The following WDFY1 variants were observed in gnomAD, a reference collection of about 807,000 sequenced individuals.
WDFY1 encodes WD repeat and FYVE domain containing 1.
In WDFY1, 32 loss-of-function variants were observed where a neutral mutation model predicts 56.4. The ratio of observed to expected loss-of-function variants is 0.57; its 90% confidence interval spans 0.43 to 0.76. WDFY1 has a LOEUF of 0.76. Ranked by LOEUF, WDFY1 falls within the 30% of genes least tolerant of loss-of-function variation. The pLI is 0.00. For missense variants in WDFY1, 480 were observed against 545.7 expected, an observed-to-expected ratio of 0.88 and a Z score of 1.20; for synonymous variants, 192 against 197.3, an observed-to-expected ratio of 0.97 and a Z score of 0.23.
chr2:223,934,294 T>C (rs1694133027), intron 1 of WDFY1, among the ~76,000 whole-genome samples: 1 of 151,864 alleles, frequency 6.6e-6, no homozygotes, highest in South Asian at 2.1e-4. Flanking sequence ...TCTCACCACA[T>C]TGGCCAGGCT....
intron 8 of WDFY1, among the ~76,000 whole-genome samples, chr2:223,891,382 CAA>C (rs61587389): frequency 5.0e-5 from 3 of 60,108 alleles, no homozygotes; most frequent in African/African-American, 6.9e-5. Context: ...GACTCCGTCT[CAA>C]AAAAAAAAAA....
Position 223,901,211 on chromosome 2 carries a change from A to C in WDFY1, c.457T>G (p.Phe153Val). ...AGACACGAAGCCCAGGACGTGAAGA[A>C]GTGCCTCCCGAGCATGTTCCCGCTC... ...TRSGNMLGRH[F>V]FTSWASCLQY... The change falls in exon 5 of 12, where the codon TTC (phenylalanine) becomes GTC (valine). Residue 153 changes from phenylalanine (F) to valine (V), a missense_variant. Transcript: ENST00000233055. The C allele has an allele frequency of 6.2e-7, 1 of 1,614,124 alleles. No individual in the cohort carries two copies. The highest frequency in any genetic ancestry group is 8.5e-7 in the Non-Finnish European group (1 of 1,180,004).
At chr2:223,892,042 T>C (rs1336518963) in intron 8 of WDFY1, among the ~76,000 whole-genome samples, 2 of 152,216 alleles carry the variant, frequency 1.3e-5, no homozygotes, top group East Asian at 3.8e-4. Flanking sequence ...TGGTGCAAGC[T>C]TGGCTCACTG....
chr2:223,894,540 A>G (rs1447926287), intron 7 of WDFY1: 4 of 563,770 alleles, frequency 7.1e-6, no homozygotes, highest in Non-Finnish European at 9.5e-6. Context: ...CTTTCTATAA[A>G]ATATATGACT....
chr2:223,879,343 T>C (rs1693025919), intron 11 of WDFY1, among the ~76,000 whole-genome samples: 2 of 152,084 alleles, frequency 1.3e-5, no homozygotes, highest in Admixed American at 6.6e-5. Flanking sequence ...ATATAGAATA[T>C]CTCAGTTTCA....
chr2:223,905,664 G>A (rs1224731247), intron 4 of WDFY1, among the ~76,000 whole-genome samples: 2 of 151,980 alleles, frequency 1.3e-5, no homozygotes. Flanking sequence ...ATACATGTAT[G>A]AAGAGTAGTG....
chr2:223,897,167 T>C (rs1000830054), intron 6 of WDFY1, among the ~76,000 whole-genome samples: 10 of 151,964 alleles, frequency 6.6e-5, no homozygotes, highest in Non-Finnish European at 1.5e-4. Context: ...ACGCTTACTA[T>C]GGTCATAAAT....
At chr2:223,936,526 G>A (rs913451811) in intron 1 of WDFY1, among the ~76,000 whole-genome samples, 2 of 152,184 alleles carry the variant, frequency 1.3e-5, no homozygotes, top group African/African-American at 4.8e-5. Context: ...TGAAAAATGA[G>A]GTTTAAAAGA....
intron 1 of WDFY1, among the ~76,000 whole-genome samples, chr2:223,941,695 G>A (rs2272318): frequency 0.39 from 58,811 of 152,118 alleles, 13,017 homozygotes; most frequent in Non-Finnish European, 0.5. Context: ...CACACGTGCT[G>A]GGATTACAGG....
At chr2:223,920,519 T>C (rs1559172379) in intron 1 of WDFY1, among the ~76,000 whole-genome samples, 1 of 152,256 alleles carries the variant, frequency 6.6e-6, no homozygotes, top group Non-Finnish European at 1.5e-5. Context: ...AGACATGGGT[T>C]GCTGCCCAAG....
chr2:223,892,129 C>T (rs1252158090), intron 8 of WDFY1, among the ~76,000 whole-genome samples: 1 of 152,002 alleles, frequency 6.6e-6, no homozygotes, highest in Non-Finnish European at 1.5e-5. Context: ...CACCTGCCAC[C>T]ATGCCTGGCT....
At chr2:223,898,330 A>C (rs1693434979) in intron 6 of WDFY1, among the ~76,000 whole-genome samples, 1 of 152,150 alleles carries the variant, frequency 6.6e-6, no homozygotes, top group Non-Finnish European at 1.5e-5. Context: ...AATAACAACA[A>C]TTCTTCCAAA....
intron 1 of WDFY1, among the ~76,000 whole-genome samples, chr2:223,931,491 T>C (rs972214329): frequency 1.3e-5 from 2 of 152,198 alleles, no homozygotes; most frequent in African/African-American, 4.8e-5. Flanking sequence ...ATTTCTACTG[T>C]TAAACTCTAT....
At chr2:223,917,699 A>G (rs886565084) in intron 2 of WDFY1, among the ~76,000 whole-genome samples, 9 of 152,050 alleles carry the variant, frequency 5.9e-5, no homozygotes, top group Non-Finnish European at 1.3e-4. Flanking sequence ...CAGCCTCCCA[A>G]GTAGCTGGGA....
intron 1 of WDFY1, among the ~76,000 whole-genome samples, chr2:223,920,060 C>T (rs979087357): frequency 5.3e-5 from 8 of 152,370 alleles, no homozygotes; most frequent in African/African-American, 1.7e-4. Flanking sequence ...TGAGTCCCCA[C>T]GTCCTCATTC....
chr2:223,931,359 A>G (rs1424876793), intron 1 of WDFY1, among the ~76,000 whole-genome samples: 1 of 152,254 alleles, frequency 6.6e-6, no homozygotes, highest in Non-Finnish European at 1.5e-5. Flanking sequence ...TAGTAGATAT[A>G]TGAAAAGTGG....
chr2:223,888,248 A>AT (rs1268174766), intron 8 of WDFY1, among the ~76,000 whole-genome samples: 1 of 151,354 alleles, frequency 6.6e-6, no homozygotes, highest in Admixed American at 6.6e-5. Flanking sequence ...CACCCAGCAA[A>AT]TTTTTTGTAC....
chr2:223,906,488 A>G (rs1375519863), intron 3 of WDFY1, among the ~76,000 whole-genome samples: 2 of 152,120 alleles, frequency 1.3e-5, no homozygotes, highest in Middle Eastern at 3.2e-3. Context: ...AGAAATTTTG[A>G]GATTGTGGGT....
At position 223,945,332 on chromosome 2, in the gene WDFY1, T is replaced by C; in HGVS notation, c.-48A>G. 2 of 1,513,814 alleles carry C rather than the reference T, an allele frequency of 1.3e-6. No individual in the cohort carries two copies. The highest frequency in any genetic ancestry group is 1.8e-6 in the Non-Finnish European group (2 of 1,140,162). 93.8% of individuals were successfully genotyped at this position (1,513,814 alleles called of 1,614,324 possible). On this transcript the variant is annotated 5_prime_UTR_variant, in exon 1 of 12. Transcript: ENST00000233055. ...CCTCCTCGGCAGGCAGCCCATCAGC[T>C]GACGCCTGGGCGGGCGGGGGACGCG... is the stretch of plus-strand genomic sequence containing the variant.
Sources: gnomAD v4.1 joint callset for allele counts (sites outside exome capture counted in the v4.1 genomes callset) on GRCh38, gnomAD v4.1.1 for gene constraint, MANE v1.5 for transcripts, NCBI Gene and HGNC (gene_info 2026-07-23, HGNC 2026-07-21) for gene names.